Variants in NAA35 observed in about 807,000 individuals in gnomAD.
NAA35 encodes the protein MAK10 homolog, amino-acid N-acetyltransferase subunit.
NAA35 carries 18 observed loss-of-function variants against 101.7 expected under a neutral mutation model. The observed-to-expected ratio is 0.18, with a 90% CI of 0.12 to 0.26. The LOEUF is 0.26. NAA35 is among the 10% of genes least tolerant of loss of function. NAA35 has a pLI of 1.00. For synonymous variants in NAA35, 267 were observed against 273.1 expected (o/e 0.98, Z 0.22); for missense variants, 601 against 886.8 (o/e 0.68, Z 4.09).
chr9:85,996,740 ATAGC>A (rs1372960870), intron 12 of NAA35, among the ~76,000 whole-genome samples, 163 bp downstream of exon 12: 1 of 152,244 alleles, frequency 6.6e-6, no homozygotes, highest in Non-Finnish European at 1.5e-5. Context: ...ATTTTCTGTG[ATAGC>A]TAGAGGATTA....
intron 6 of NAA35, among the ~76,000 whole-genome samples, chr9:85,966,960 A>T (rs1305586178): frequency 1.3e-5 from 2 of 152,182 alleles, no homozygotes; most frequent in Admixed American, 1.3e-4. Context: ...TACAAAAATT[A>T]GCTAGGCGTA....
chr9:85,966,507 C>A, intron 6 of NAA35: 1 of 566,700 alleles, frequency 1.8e-6, no homozygotes, highest in East Asian at 7.6e-5. Flanking sequence ...AATTTAGCTT[C>A]ACTATAATCC....
chr9:85,952,485 A>G (rs571383370), intron 2 of NAA35, among the ~76,000 whole-genome samples: 2 of 152,036 alleles, frequency 1.3e-5, no homozygotes, highest in South Asian at 2.1e-4. Context: ...GGGTTTCACC[A>G]TGTTGGCCAG....
chr9:85,941,298 T>C (rs1254221805), intron 1 of NAA35, 25 bp downstream of exon 1: 3 of 985,414 alleles, frequency 3.0e-6, no homozygotes, highest in Non-Finnish European at 3.6e-6. Flanking sequence ...TGCGTAGCCA[T>C]TGAAACCCTC....
At chr9:86,013,648 G>GT (rs1318472145) in intron 16 of NAA35, 71 bp from the exon 17 acceptor site, 26 of 1,409,106 alleles carry the variant, frequency 1.8e-5, no homozygotes, top group Non-Finnish European at 2.4e-5. Context: ...TTAGCTGTAC[G>GT]TTTTTTTAAA....
At chr9:85,945,951 A>T (rs1416264776) in intron 2 of NAA35, among the ~76,000 whole-genome samples, 1 of 152,018 alleles carries the variant, frequency 6.6e-6, no homozygotes, top group Non-Finnish European at 1.5e-5. Context: ...AACTTTTATG[A>T]TTTATTTTAT....
At chr9:85,959,895 A>G in intron 5 of NAA35, 28 bp downstream of exon 5, 3 of 1,536,376 alleles carry the variant, frequency 2.0e-6, no homozygotes, top group Non-Finnish European at 2.7e-6. Context: ...ACTATTGGTT[A>G]ATTTTAAAAC....
rs749347249 is a variant in NAA35 at position 86,009,901 on chromosome 9, T to C, written c.1260T>C (p.Cys420=). 6 of 1,613,484 alleles carry C rather than the reference T, an allele frequency of 3.7e-6. No individual in the cohort carries two copies. Among genetic ancestry groups the C allele is most frequent in the Non-Finnish European group, 8.5e-7 (1 of 1,179,462 alleles). ...YLYNNHQAKD[C]IDSFVTHCVR... is the part of the protein sequence containing the mutation. Reference sequence around the variant, plus strand: ...ATAATAATCACCAGGCTAAGGACTGTATCGACTCCTTTGTTACTCACTGTG... The same window carrying C: ...ATAATAATCACCAGGCTAAGGACTGCATCGACTCCTTTGTTACTCACTGTG... Residue 420 remains cysteine (C), a synonymous_variant, in exon 15 of 23, where the codon TGT becomes TGC. Coordinates refer to ENST00000361671, the MANE Select transcript of NAA35 (RefSeq NM_024635.4).
intron 21 of NAA35, among the ~76,000 whole-genome samples, 153 bp from the exon 22 acceptor site, chr9:86,020,736 T>G (rs1380540476): frequency 1.3e-5 from 2 of 152,056 alleles, no homozygotes; most frequent in Non-Finnish European, 2.9e-5. Flanking sequence ...GAGGCTGAAG[T>G]AGGAGGATTG....
intron 2 of NAA35, among the ~76,000 whole-genome samples, chr9:85,944,434 T>C (rs187495043): frequency 5.9e-5 from 9 of 152,346 alleles, no homozygotes; most frequent in African/African-American, 2.2e-4. Context: ...GGTTTTGCAC[T>C]CAGCCCAGAT....
intron 11 of NAA35, among the ~76,000 whole-genome samples, chr9:85,996,153 T>G (rs778913066): frequency 1.3e-5 from 2 of 152,152 alleles, no homozygotes; most frequent in Non-Finnish European, 2.9e-5. Context: ...GAAACTCCCC[T>G]CCATCACCAC....
chr9:85,994,157 T>C (rs1310057141), intron 11 of NAA35, among the ~76,000 whole-genome samples: 1 of 152,222 alleles, frequency 6.6e-6, no homozygotes, highest in Non-Finnish European at 1.5e-5. Flanking sequence ...TTTTGTAACA[T>C]TTTGGTTAAA....
intron 11 of NAA35, among the ~76,000 whole-genome samples, chr9:85,992,189 A>AAG (rs1216891138): frequency 3.3e-5 from 5 of 151,388 alleles, no homozygotes; most frequent in African/African-American, 1.2e-4. Flanking sequence ...AAAAAAAATA[A>AAG]TAAAAAATAA....
intron 16 of NAA35, among the ~76,000 whole-genome samples, chr9:86,013,469 A>T (rs867266462): frequency 6.6e-6 from 1 of 152,210 alleles, no homozygotes; most frequent in Non-Finnish European, 1.5e-5. Flanking sequence ...TATTGATAAG[A>T]CCTGAAGTGT....
At chr9:85,950,331 C>G (rs991654496) in intron 2 of NAA35, among the ~76,000 whole-genome samples, 2 of 152,146 alleles carry the variant, frequency 1.3e-5, no homozygotes, top group African/African-American at 4.8e-5. Context: ...CTGTAACCTC[C>G]GTCTCCTGGG....
intron 11 of NAA35, among the ~76,000 whole-genome samples, chr9:85,984,954 A>C (rs1218225449): frequency 6.6e-6 from 1 of 152,230 alleles, no homozygotes; most frequent in Admixed American, 6.5e-5. Context: ...TCTTACACCC[A>C]GGTTAAAAAA....
At chr9:86,017,423 A>G in intron 18 of NAA35, 75 bp from the exon 19 acceptor site, 5 of 1,347,770 alleles carry the variant, frequency 3.7e-6, no homozygotes, top group Non-Finnish European at 5.2e-6. Flanking sequence ...TTTTAAAATT[A>G]GATTTTCTTT....
chr9:85,997,789 T>A (rs1422705476), intron 12 of NAA35, among the ~76,000 whole-genome samples: 1 of 152,238 alleles, frequency 6.6e-6, no homozygotes, highest in African/African-American at 2.4e-5. Flanking sequence ...TGGCCTCACC[T>A]TAGTTTTAAG....
chr9:85,953,112 CT>C (rs1193530927), intron 2 of NAA35, among the ~76,000 whole-genome samples: 9 of 151,956 alleles, frequency 5.9e-5, no homozygotes, highest in Admixed American at 5.9e-4. Context: ...ACCCAGGAGG[CT>C]GAGGTGGGAG....
Sources: allele counts gnomAD v4.1 joint callset (sites outside exome capture counted in the v4.1 genomes callset), GRCh38; gene constraint gnomAD v4.1.1; transcripts MANE v1.5; gene names NCBI Gene and HGNC (gene_info 2026-07-23, HGNC 2026-07-21).